SEC11A: variants seen among roughly 807,000 people sequenced by gnomAD.
SEC11A encodes the protein signal peptidase complex catalytic subunit SEC11A.
In SEC11A, 14 loss-of-function variants were observed where a neutral mutation model predicts 25.6. That is an observed-to-expected ratio of 0.55 (90% CI 0.36 to 0.85). The LOEUF (loss-of-function observed/expected upper bound fraction) is 0.85, where lower values mean the gene tolerates loss of function less well. Ranked by LOEUF, SEC11A falls within the 40% of genes least tolerant of loss-of-function variation. The pLI is 0.01. For synonymous variants in SEC11A, 83 were observed against 76.4 expected, an observed-to-expected ratio of 1.09 and a Z score of -0.45; for missense variants, 153 against 222.9, an observed-to-expected ratio of 0.69 and a Z score of 2.00.
At chr15:84,713,084 C>T (rs1254260819) in intron 1 of SEC11A, among the ~76,000 whole-genome samples, 1 of 151,258 alleles carries the variant, frequency 6.6e-6, no homozygotes, top group Non-Finnish European at 1.5e-5. Context: ...GTCCCAGCTA[C>T]TTGGGAGGCT....
At chr15:84,696,983 G>A (rs942261025) in intron 1 of SEC11A, among the ~76,000 whole-genome samples, 3 of 149,862 alleles carry the variant, frequency 2.0e-5, no homozygotes, top group African/African-American at 7.4e-5. Context: ...AGGAGTTCGA[G>A]TTCAGCCTGG....
At chr15:84,682,697 C>T (rs1422082868) in intron 3 of SEC11A, among the ~76,000 whole-genome samples, 1 of 152,146 alleles carries the variant, frequency 6.6e-6, no homozygotes, top group African/African-American at 2.4e-5. Flanking sequence ...GATCTGCCCA[C>T]CTCGGCCTCC....
Position 84,670,784 on chromosome 15 carries a change from TA to T in SEC11A, c.432-3del. On this transcript the variant is annotated splice_polypyrimidine_tract_variant and splice_region_variant and intron_variant, in intron 4 of 5. Coordinates refer to ENST00000268220, the MANE Select transcript of SEC11A (RefSeq NM_014300.4). The stretch of plus-strand genomic sequence containing the variant: ...ACAATTCCAATATAAGGAACAAATC[TA>T]AAACAAACAAAAAACTGATTATCAC... 7.0e-7 allele frequency: 1 copy of T among 1,419,692 alleles called. No individual in the cohort carries two copies. 87.9% of individuals were successfully genotyped at this position (1,419,692 alleles called of 1,614,324 possible). A position where few individuals can be genotyped will look rare whatever the true frequency, so the allele number is the denominator to read the frequency against.
At position 84,669,911 on chromosome 15, in the gene SEC11A, A is replaced by T. The variant is rs760559823; in HGVS notation, c.*108T>A. 1.2e-5 allele frequency: 19 copies of T among 1,583,142 alleles called. No homozygotes were observed. In the African/African-American group the frequency reaches 1.9e-4, roughly 16 times the overall value. On this transcript the variant is annotated 3_prime_UTR_variant, in exon 6 of 6. Transcript: ENST00000268220. ...CTAATGCAAACCAGTGCTACCCAGA[A>T]GCACCAACACGTGTGTTCTCCATTC...
At chr15:84,708,127 C>T (rs756048005) in intron 1 of SEC11A, among the ~76,000 whole-genome samples, 3 of 137,822 alleles carry the variant, frequency 2.2e-5, no homozygotes, top group Non-Finnish European at 4.6e-5. Context: ...AAGATAATTG[C>T]TTGAACCCAG....
intron 3 of SEC11A, among the ~76,000 whole-genome samples, chr15:84,681,518 T>C (rs1185882194): frequency 1.3e-5 from 2 of 151,998 alleles, no homozygotes; most frequent in Non-Finnish European, 2.9e-5. Context: ...TAGTCCCAGC[T>C]ACTCAGGAGG....
chr15:84,680,720 CTCTCCCCACAACA>C lies in SEC11A; in HGVS notation c.411_423del (p.Asp137GlufsTer12). The stretch of plus-strand genomic sequence containing the variant: ...GCTCCCCTCTATACTTACCCCCTGG[CTCTCCCCACAACA>C]TCTTTTTTCTCTAGCCAATGTTGTC... On this transcript the variant is annotated frameshift_variant, in exon 4 of 6. Coordinates refer to ENST00000268220, the MANE Select transcript of SEC11A (RefSeq NM_014300.4). LOFTEE classifies it high-confidence loss of function. 1 of 1,610,816 alleles carries C rather than the reference CTCTCCCCACAACA, an allele frequency of 6.2e-7. No homozygotes were observed. Among genetic ancestry groups the C allele is most frequent in the Non-Finnish European group, 8.5e-7 (1 of 1,178,060 alleles).
intron 1 of SEC11A, among the ~76,000 whole-genome samples, chr15:84,702,002 G>A (rs553709357): frequency 3.7e-4 from 54 of 147,644 alleles, no homozygotes; most frequent in Non-Finnish European, 6.8e-4. Flanking sequence ...GGGAGGCGGA[G>A]GTGGCAGTGA....
In SEC11A at chr15:84,670,617, C is replaced by T. The variant is rs142092794; in HGVS notation, c.489+108G>A. 1,036 of 566,648 alleles carry T rather than the reference C, an allele frequency of 1.8e-3. 22 individuals are homozygous for T. In the East Asian group the frequency reaches 0.027, roughly 15 times the overall value. The allele number at this position is 566,648 out of a possible 1,614,324, so 35.1% of individuals were successfully genotyped here. A position where few individuals can be genotyped will look rare whatever the true frequency, so the allele number is the denominator to read the frequency against. On this transcript the variant is annotated intron_variant, in intron 5 of 5. Transcript: ENST00000268220. The stretch of plus-strand genomic sequence containing the variant: ...CTGGTCTTGAACTCCTGGGCTCAAG[C>T]GATCCACTCACCTCGGCCTCCCAGA...
At chr15:84,681,234 A>G (rs966437303) in intron 3 of SEC11A, among the ~76,000 whole-genome samples, 2 of 152,260 alleles carry the variant, frequency 1.3e-5, no homozygotes, top group African/African-American at 4.8e-5. Flanking sequence ...CTCACAGGAT[A>G]TAATTGGCAA....
At chr15:84,695,173 T>A (rs1259884029) in intron 1 of SEC11A, among the ~76,000 whole-genome samples, 7 of 94,492 alleles carry the variant, frequency 7.4e-5, no homozygotes, top group African/African-American at 1.7e-4. Flanking sequence ...TAAAAAAAAA[T>A]ATCCAGAGGC....
At chr15:84,685,653 G>A (rs776181617) in intron 3 of SEC11A, among the ~76,000 whole-genome samples, 13 of 151,962 alleles carry the variant, frequency 8.6e-5, no homozygotes, top group Admixed American at 2.6e-4. Flanking sequence ...AGCTTAATTT[G>A]ATTCTCTCTG....
intron 1 of SEC11A, among the ~76,000 whole-genome samples, chr15:84,711,626 T>C (rs997250595): frequency 1.3e-5 from 2 of 151,952 alleles, no homozygotes; most frequent in African/African-American, 2.4e-5. Context: ...AAGACAAGCC[T>C]GGCCAACATG....
At chr15:84,681,418 T>C (rs578109480) in intron 3 of SEC11A, among the ~76,000 whole-genome samples, 2 of 151,844 alleles carry the variant, frequency 1.3e-5, no homozygotes, top group Middle Eastern at 3.4e-3. Flanking sequence ...TCACCTGAGG[T>C]CAGAAGTTCG....
chr15:84,673,746 T>C lies in SEC11A; in HGVS notation c.432-2964A>G, dbSNP rs578098583. On this transcript the variant is annotated intron_variant, in intron 4 of 5. Transcript: ENST00000268220. ...CAACATGGTGAAACCCTGTCACTAC[T>C]AAAAATATAAAAATTAGCTGGGCAT... is the stretch of plus-strand genomic sequence containing the variant. The C allele has an allele frequency of 1.6e-3, 239 of 151,912 alleles. 1 individual carries two copies. Among genetic ancestry groups the C allele is most frequent in the Non-Finnish European group, 2.9e-3 (194 of 68,008 alleles). 9.4% of individuals were successfully genotyped at this position (151,912 alleles called of 1,614,324 possible). A position where few individuals can be genotyped will look rare whatever the true frequency, so the allele number is the denominator to read the frequency against.
intron 1 of SEC11A, among the ~76,000 whole-genome samples, chr15:84,702,791 G>T (rs1167859031): frequency 6.6e-6 from 1 of 152,032 alleles, no homozygotes; most frequent in Non-Finnish European, 1.5e-5. Context: ...AGGCTCAGAT[G>T]GTATTCACTG....
intron 4 of SEC11A, among the ~76,000 whole-genome samples, chr15:84,675,629 C>T (rs1256652093): frequency 6.6e-6 from 1 of 152,162 alleles, no homozygotes; most frequent in Non-Finnish European, 1.5e-5. Context: ...CTACTCCTTC[C>T]TTATATATTT....
intron 4 of SEC11A, chr15:84,679,344 G>A (rs1028989889): frequency 2.1e-4 from 147 of 685,548 alleles, no homozygotes; most frequent in Admixed American, 5.5e-4. Flanking sequence ...TCCTTAAAGC[G>A]GGGACATATT....
intron 3 of SEC11A, among the ~76,000 whole-genome samples, chr15:84,681,061 A>G (rs1238416706): frequency 2.0e-5 from 3 of 152,250 alleles, no homozygotes; most frequent in African/African-American, 7.2e-5. Context: ...TTATGTAAAC[A>G]TTAAAATAAT....
Sources: gnomAD v4.1 joint callset for allele counts (sites outside exome capture counted in the v4.1 genomes callset) on GRCh38, gnomAD v4.1.1 for gene constraint, MANE v1.5 for transcripts, NCBI Gene and HGNC (gene_info 2026-07-23, HGNC 2026-07-21) for gene names.